The following RBFOX1 variants were observed in gnomAD, a reference collection of about 807,000 sequenced individuals.
RBFOX1 encodes the protein RNA binding fox-1 homolog 1, also known as RNA binding protein fox-1 homolog 1.
Under a neutral mutation model 57.7 loss-of-function variants are expected in RBFOX1, and 8 were observed. That is an observed-to-expected ratio of 0.14 (90% CI 0.08 to 0.25). The LOEUF (loss-of-function observed/expected upper bound fraction) is 0.25, where lower values mean the gene tolerates loss of function less well. RBFOX1 is among the 10% of genes least tolerant of loss of function. The pLI is 1.00. For missense variants in RBFOX1, 611 were observed against 548.5 expected, an observed-to-expected ratio of 1.11 and a Z score of -1.14; for synonymous variants, 326 against 222.4, an observed-to-expected ratio of 1.47 and a Z score of -4.15.
chr16:6,904,416 C>T (rs138870969), intron 3 of RBFOX1, among the ~76,000 whole-genome samples: 1 of 151,782 alleles, frequency 6.6e-6, no homozygotes, highest in Non-Finnish European at 1.5e-5. Context: ...GTCTGGCCAA[C>T]ATGGTGAATC....
chr16:7,160,726 A>G (rs2152379966), intron 4 of RBFOX1, among the ~76,000 whole-genome samples: 1 of 151,736 alleles, frequency 6.6e-6, no homozygotes, highest in East Asian at 1.9e-4. Context: ...ATTTTCAGGC[A>G]GTTTCTTAAC....
At chr16:5,569,887 G>T (rs2151129390) in intron 2 of RBFOX1, among the ~76,000 whole-genome samples, 1 of 152,254 alleles carries the variant, frequency 6.6e-6, no homozygotes, top group East Asian at 1.9e-4. Context: ...GACATAAGAA[G>T]ATCCTAGTCA....
chr16:6,837,044 C>T (rs1239409458), intron 3 of RBFOX1, among the ~76,000 whole-genome samples: 1 of 152,078 alleles, frequency 6.6e-6, no homozygotes, highest in African/African-American at 2.4e-5. Context: ...ACAGTAAGCC[C>T]AGGACAGGGT....
At chr16:7,319,612 A>T (rs549723690) in intron 4 of RBFOX1, among the ~76,000 whole-genome samples, 5 of 152,262 alleles carry the variant, frequency 3.3e-5, no homozygotes, top group Middle Eastern at 3.4e-3. Flanking sequence ...CCTGGGCCTC[A>T]GAAGAGATTT....
chr16:6,883,220 G>C (rs545173323), intron 3 of RBFOX1, among the ~76,000 whole-genome samples: 58 of 152,272 alleles, frequency 3.8e-4, no homozygotes, highest in African/African-American at 1.4e-3. Context: ...ACTTAGCTTA[G>C]AAATCTCGCT....
chr16:5,878,631 G>C (rs375298880), intron 4 of RBFOX1, among the ~76,000 whole-genome samples: 1 of 152,064 alleles, frequency 6.6e-6, no homozygotes, highest in Non-Finnish European at 1.5e-5. Context: ...CCTGATTCCC[G>C]GCACTAATGT....
chr16:5,408,771 C>T (rs922833968), intron 1 of RBFOX1, among the ~76,000 whole-genome samples: 3 of 152,180 alleles, frequency 2.0e-5, no homozygotes, highest in African/African-American at 7.2e-5. Flanking sequence ...CAGGAGCAGG[C>T]ACTTCCCATG....
chr16:5,668,247 C>G (rs529048139), intron 3 of RBFOX1, among the ~76,000 whole-genome samples: 42 of 152,238 alleles, frequency 2.8e-4, no homozygotes, highest in Non-Finnish European at 4.3e-4. Flanking sequence ...TACCACTGCA[C>G]TCCAGCCTGG....
intron 5 of RBFOX1, among the ~76,000 whole-genome samples, chr16:7,539,667 C>A (rs531552957): frequency 6.6e-6 from 1 of 152,082 alleles, no homozygotes; most frequent in Admixed American, 6.6e-5. Context: ...ATAAGGATAC[C>A]GAGACTGTTT....
Position 7,412,895 on chromosome 16 carries a change from G to A in RBFOX1, c.28-105252G>A, listed in dbSNP as rs899743551. 2.0e-5 allele frequency among the ~76,000 whole-genome samples: 3 copies of A among 151,914 alleles called. No individual in the cohort carries two copies. The East Asian group carries it at 5.9e-4, about 30-fold the overall frequency. The stretch of plus-strand genomic sequence containing the variant: ...GTCTCTACTACAAATATAAAAAATT[G>A]GCCAGGCGCCATGGTGGGCGCCTGC... On this transcript the variant is annotated intron_variant, in intron 4 of 15. Coordinates refer to ENST00000550418, the MANE Select transcript of RBFOX1 (RefSeq NM_018723.4).
intron 3 of RBFOX1, among the ~76,000 whole-genome samples, chr16:6,676,142 G>GCACACACACACA (rs59806354): frequency 3.4e-5 from 5 of 145,968 alleles, no homozygotes; most frequent in African/African-American, 1.3e-4. Context: ...ACACACACGC[G>GCACACACACACA]CACACACACA....
intron 3 of RBFOX1, among the ~76,000 whole-genome samples, chr16:6,826,496 G>A (rs1220334354): frequency 2.6e-5 from 4 of 152,232 alleles, no homozygotes; most frequent in Non-Finnish European, 4.4e-5. Context: ...ACAGTGCCTG[G>A]TATACAATAA....
chr16:7,281,340 G>A (rs1028239351), intron 4 of RBFOX1, among the ~76,000 whole-genome samples: 1 of 151,468 alleles, frequency 6.6e-6, no homozygotes, highest in Non-Finnish European at 1.5e-5. Flanking sequence ...TGCTTGGGGG[G>A]TAGTTTAGCA....
chr16:5,778,668 C>A (rs2054227908), intron 3 of RBFOX1, among the ~76,000 whole-genome samples: 2 of 152,120 alleles, frequency 1.3e-5, no homozygotes, highest in South Asian at 4.1e-4. Flanking sequence ...AGCCAGGTGT[C>A]CTGTGCGTGG....
chr16:6,463,375 G>GAGTTTTGC (rs2094963785), intron 2 of RBFOX1, among the ~76,000 whole-genome samples: 1 of 152,114 alleles, frequency 6.6e-6, no homozygotes, highest in African/African-American at 2.4e-5. Flanking sequence ...GTGTATTAAA[G>GAGTTTTGC]AGTTTTGCCT....
chr16:7,411,986 G>A (rs573789231), intron 4 of RBFOX1, among the ~76,000 whole-genome samples: 1 of 151,358 alleles, frequency 6.6e-6, no homozygotes, highest in African/African-American at 2.4e-5. Context: ...CGGCCGCCCA[G>A]ATGCCATGTG....
At chr16:7,433,167 C>T (rs1349878763) in intron 4 of RBFOX1, among the ~76,000 whole-genome samples, 1 of 152,190 alleles carries the variant, frequency 6.6e-6, no homozygotes, top group East Asian at 1.9e-4. Context: ...TTCTTTCCTT[C>T]TGGGACTTCT....
intron 3 of RBFOX1, among the ~76,000 whole-genome samples, chr16:6,912,211 C>T (rs1379897348): frequency 6.6e-6 from 1 of 152,178 alleles, no homozygotes; most frequent in African/African-American, 2.4e-5. Flanking sequence ...AGTAATTTCT[C>T]TAATGTGGAG....
At chr16:6,733,836 A>T (rs2069331473) in intron 3 of RBFOX1, among the ~76,000 whole-genome samples, 1 of 152,196 alleles carries the variant, frequency 6.6e-6, no homozygotes, top group African/African-American at 2.4e-5. Context: ...GGAAAGCAGG[A>T]GCTCACTCCA....
Sources: allele counts gnomAD v4.1 joint callset (sites outside exome capture counted in the v4.1 genomes callset), GRCh38; gene constraint gnomAD v4.1.1; transcripts MANE v1.5; gene names NCBI Gene and HGNC (gene_info 2026-07-23, HGNC 2026-07-21).